Variants in PMFBP1 observed in about 807,000 individuals in gnomAD.
PMFBP1 encodes the protein polyamine modulated factor 1 binding protein 1.
Under a neutral mutation model 137.8 loss-of-function variants are expected in PMFBP1, and 131 were observed. That is an observed-to-expected ratio of 0.95 (90% CI 0.82 to 1.10). The LOEUF is 1.10. Among genes scored for constraint, PMFBP1 ranks in the 50% least tolerant of loss-of-function variants. PMFBP1 has a pLI of 0.00. For missense variants in PMFBP1, 1,199 were observed against 1,175.4 expected (o/e 1.02, Z -0.29); for synonymous variants, 490 against 450.4 (o/e 1.09, Z -1.11).
the PMFBP1 span, among the ~76,000 whole-genome samples, chr16:72,187,998 AG>A: frequency 2.6e-5 from 4 of 152,258 alleles, no homozygotes; most frequent in Non-Finnish European, 4.4e-5. Flanking sequence ...TTTCCTTTGT[AG>A]GTACAAGAAT....
chr16:72,119,454 G>A (rs968124153), intron 20 of PMFBP1, 100 bp from the exon 21 acceptor site: 2 of 1,605,154 alleles, frequency 1.2e-6, no homozygotes, highest in Non-Finnish European at 1.7e-6. Flanking sequence ...CTGCTGCAGG[G>A]TGACTTCTTG....
intron 5 of PMFBP1, among the ~76,000 whole-genome samples, chr16:72,141,292 T>C (rs754053396): frequency 6.6e-6 from 1 of 152,236 alleles, no homozygotes; most frequent in Non-Finnish European, 1.5e-5. Context: ...TGACAATTTA[T>C]TTAAGATAGT....
the PMFBP1 span, among the ~76,000 whole-genome samples, chr16:72,232,251 T>C: frequency 6.6e-5 from 10 of 152,180 alleles, no homozygotes; most frequent in African/African-American, 1.9e-4. Flanking sequence ...GCCACAGTGA[T>C]AGAAACTCTA....
intron 9 of PMFBP1, among the ~76,000 whole-genome samples, chr16:72,134,720 T>C (rs1387658721): frequency 6.6e-6 from 1 of 152,218 alleles, no homozygotes; most frequent in Non-Finnish European, 1.5e-5. Flanking sequence ...TCCCTCTGCC[T>C]GGAATATTCT....
intron 3 of PMFBP1, among the ~76,000 whole-genome samples, chr16:72,159,301 T>C (rs1244921326): frequency 6.6e-6 from 1 of 152,222 alleles, no homozygotes; most frequent in Non-Finnish European, 1.5e-5. Flanking sequence ...GGGAAATAAA[T>C]GCTTTTTTCT....
intron 3 of PMFBP1, among the ~76,000 whole-genome samples, chr16:72,161,094 CTTTTTTTTTTT>C (rs35611285): frequency 3.1e-4 from 39 of 124,942 alleles, no homozygotes; most frequent in Non-Finnish European, 4.5e-4. Context: ...TTATCTGTTA[CTTTTTTTTTTT>C]TTTTTTTTTT....
chr16:72,236,643 C>T, the PMFBP1 span, among the ~76,000 whole-genome samples: 1 of 152,024 alleles, frequency 6.6e-6, no homozygotes, highest in African/African-American at 2.4e-5. Context: ...ACTGAAACCC[C>T]CACTTTGGGG....
At chr16:72,125,457 C>A in intron 15 of PMFBP1, 52 bp from the exon 16 acceptor site, 1 of 1,571,376 alleles carries the variant, frequency 6.4e-7, no homozygotes. Context: ...TTGACCCTCT[C>A]TGCTGAGTCC....
the PMFBP1 span, among the ~76,000 whole-genome samples, chr16:72,209,558 GTCA>G: frequency 6.6e-6 from 1 of 151,622 alleles, no homozygotes; most frequent in Non-Finnish European, 1.5e-5. Context: ...AATATACATT[GTCA>G]TCATAATATA....
In PMFBP1 at chr16:72,126,015, G is replaced by A. The variant is rs762138855; in HGVS notation, c.2206C>T (p.Arg736Trp). The A allele has an allele frequency of 1.8e-5, 29 of 1,614,042 alleles. No homozygotes were observed. The highest frequency in any genetic ancestry group is 8.0e-5 in the African/African-American group (6 of 74,924). Reference sequence around the variant, plus strand: ...TCATCCTGGCAGGCGGCTGACTTCCGGGATAATGCATCATAGGCTTCTTTG... The same window carrying A: ...TCATCCTGGCAGGCGGCTGACTTCCAGGATAATGCATCATAGGCTTCTTTG... ...ITKEAYDALS[R>W]KSAACQDDLT... The change falls in exon 15 of 21, where the codon CGG (arginine) becomes TGG (tryptophan). Residue 736 changes from arginine (R) to tryptophan (W), a missense_variant. Physicochemically the swap from Arg to Trp is moderately radical, Grantham distance 101. Coordinates refer to ENST00000237353, the MANE Select transcript of PMFBP1 (RefSeq NM_031293.3).
intron 2 of PMFBP1, among the ~76,000 whole-genome samples, chr16:72,165,449 C>T (rs1301332326): frequency 3.4e-5 from 5 of 147,808 alleles, no homozygotes; most frequent in African/African-American, 1.3e-4. Flanking sequence ...GAGACTTGCT[C>T]TATTGCCCAG....
chr16:72,165,772 G>C (rs2043136632), intron 2 of PMFBP1, among the ~76,000 whole-genome samples: 1 of 152,158 alleles, frequency 6.6e-6, no homozygotes, highest in Admixed American at 6.5e-5. Flanking sequence ...TGAAATCCCT[G>C]GGCTGGTGGC....
the PMFBP1 span, among the ~76,000 whole-genome samples, chr16:72,198,940 G>A: frequency 6.6e-6 from 1 of 152,002 alleles, no homozygotes; most frequent in African/African-American, 2.4e-5. Context: ...CATATGGACA[G>A]TCTCAAGTTA....
chr16:72,141,494 G>T (rs1178164537), intron 5 of PMFBP1, among the ~76,000 whole-genome samples: 1 of 151,948 alleles, frequency 6.6e-6, no homozygotes, highest in Non-Finnish European at 1.5e-5. Context: ...GCATATTCTA[G>T]AACTTTATAC....
At chr16:72,125,021 C>T in intron 16 of PMFBP1, 87 bp from the exon 17 acceptor site, 2 of 1,508,870 alleles carry the variant, frequency 1.3e-6, no homozygotes, top group Non-Finnish European at 1.8e-6. Flanking sequence ...CTTCCTGGGC[C>T]TTGGGATACG....
the PMFBP1 span, among the ~76,000 whole-genome samples, chr16:72,229,973 C>T: frequency 6.6e-6 from 1 of 152,192 alleles, no homozygotes; most frequent in Non-Finnish European, 1.5e-5. Flanking sequence ...GCTGGAGGTA[C>T]ACACCGCTGA....
At chr16:72,242,584 T>C in the PMFBP1 span, among the ~76,000 whole-genome samples, 4,655 of 152,282 alleles carry the variant, frequency 0.031, 101 homozygotes, top group Middle Eastern at 0.099. Context: ...TTTTCAGGGT[T>C]TGGTCTTGAT....
chr16:72,155,946 T>C lies in PMFBP1; in HGVS notation c.166-1487A>G, dbSNP rs144865366. ...TTTTCTAGACGTTTCACATATGGAA[T>C]TGTATAATATGTCATTTTTTGGCTT... On this transcript the variant is annotated intron_variant, in intron 3 of 20. Coordinates refer to ENST00000237353, the MANE Select transcript of PMFBP1 (RefSeq NM_031293.3). Among the ~76,000 whole-genome samples, 55 of 152,268 alleles carry C rather than the reference T, an allele frequency of 3.6e-4. No homozygotes were observed. The East Asian group carries it at 9.7e-3, about 27-fold the overall frequency.
chr16:72,149,520 A>G (rs970907731), intron 5 of PMFBP1, among the ~76,000 whole-genome samples: 2 of 152,176 alleles, frequency 1.3e-5, no homozygotes, highest in Admixed American at 1.3e-4. Context: ...AGTAAAATAA[A>G]TTGTCAAGAT....
Sources: allele counts gnomAD v4.1 joint callset (sites outside exome capture counted in the v4.1 genomes callset), GRCh38; gene constraint gnomAD v4.1.1; transcripts MANE v1.5; gene names NCBI Gene and HGNC (gene_info 2026-07-23, HGNC 2026-07-21).